The following SHANK2 variants were observed in gnomAD, a reference collection of about 807,000 sequenced individuals.
SHANK2 encodes the protein SH3 and multiple ankyrin repeat domains protein 2.
A neutral mutation model predicts 133.7 loss-of-function variants in SHANK2; 43 were observed. The ratio of observed to expected loss-of-function variants is 0.32; its 90% CI spans 0.25 to 0.41. SHANK2 has a LOEUF of 0.41. Among genes scored for constraint, SHANK2 ranks in the 10% least tolerant of loss-of-function variants. The pLI is 1.00. For missense variants in SHANK2, 1,994 were observed against 2,235.8 expected (o/e 0.89, Z 2.18); for synonymous variants, 1,017 against 952.8 (o/e 1.07, Z -1.24).
chr11:70,952,393 G>T (rs1285119508), intron 10 of SHANK2, among the ~76,000 whole-genome samples: 1 of 152,202 alleles, frequency 6.6e-6, no homozygotes, highest in African/African-American at 2.4e-5. Flanking sequence ...CCAAGGGTGC[G>T]CTGTGGAAAC....
rs1190062746 is a variant in SHANK2, at chr11:70,489,946, G to C, written c.2551+330C>G. The stretch of plus-strand genomic sequence containing the variant: ...CTTCCCACCCTGAGCAGGGCAGGGT[G>C]GGGGAGGGGGGTTGGCTCGCACCAC... On this transcript the variant is annotated intron_variant, in intron 23 of 25. Coordinates refer to ENST00000601538, the MANE Select transcript of SHANK2 (RefSeq NM_012309.5). The C allele has an allele frequency of 2.4e-5, 9 of 376,746 alleles. No homozygotes were observed. The East Asian group carries it at 3.7e-4, about 15-fold the overall frequency. The allele number at this position is 376,746 out of a possible 1,614,324, so 23.3% of individuals were successfully genotyped here. A position where few individuals can be genotyped will look rare whatever the true frequency, so the allele number is the denominator to read the frequency against.
intron 10 of SHANK2, among the ~76,000 whole-genome samples, chr11:70,926,638 T>C (rs540966952): frequency 2.0e-5 from 3 of 151,982 alleles, no homozygotes; most frequent in African/African-American, 7.3e-5. Flanking sequence ...TCAAAAACCA[T>C]AGCACTAAAG....
intron 17 of SHANK2, among the ~76,000 whole-genome samples, chr11:70,530,766 G>A (rs1162296614): frequency 1.3e-5 from 2 of 152,078 alleles, no homozygotes; most frequent in Admixed American, 6.6e-5. Flanking sequence ...TACTGGGGAC[G>A]GAGTTTACTG....
chr11:71,095,600 G>A (rs1423685446), intron 6 of SHANK2, among the ~76,000 whole-genome samples: 3 of 152,154 alleles, frequency 2.0e-5, no homozygotes, highest in African/African-American at 2.4e-5. Context: ...AGAAAACTCG[G>A]ATGCCTTTCA....
intron 12 of SHANK2, among the ~76,000 whole-genome samples, chr11:70,816,029 C>G (rs1319299360): frequency 5.9e-5 from 9 of 152,232 alleles, no homozygotes; most frequent in African/African-American, 2.2e-4. Context: ...ACAATAACAC[C>G]TGATACCCTG....
At chr11:71,242,909 G>A (rs559747454) in intron 1 of SHANK2, among the ~76,000 whole-genome samples, 11 of 152,278 alleles carry the variant, frequency 7.2e-5, no homozygotes, top group South Asian at 2.1e-4. Context: ...AATGAAATTC[G>A]AAATTTATTT....
chr11:71,137,953 G>A (rs1952478767), intron 3 of SHANK2, among the ~76,000 whole-genome samples: 1 of 152,040 alleles, frequency 6.6e-6, no homozygotes, highest in South Asian at 2.1e-4. Context: ...GCCGCCCAGA[G>A]CCCTCTCTCA....
At chr11:70,905,222 T>C (rs1950082421) in intron 10 of SHANK2, among the ~76,000 whole-genome samples, 2 of 152,116 alleles carry the variant, frequency 1.3e-5, no homozygotes, top group South Asian at 2.1e-4. Flanking sequence ...TCTCTGAGGA[T>C]CTGAATTCCA....
rs1236827607 is a variant in SHANK2, at chr11:70,760,139, G to GACGCATGTAAC, written c.1777+38293_1777+38303dup. ...AAGCCTCCACCCCAGGTGAACATGGGACGCATGTAACACGCATGTGTGCTC... is the reference window on the plus strand; with the variant it reads ...AAGCCTCCACCCCAGGTGAACATGGGACGCATGTAACACGCATGTAACACGCATGTGTGCTC... On this transcript the variant is annotated intron_variant, in intron 14 of 25. Transcript: ENST00000601538. Among the ~76,000 whole-genome samples, 7 of 152,362 alleles carry GACGCATGTAAC rather than the reference G, an allele frequency of 4.6e-5. No individual in the cohort carries two copies. In the South Asian group the frequency reaches 1.2e-3, roughly 27 times the overall value.
At chr11:71,214,198 C>T (rs1172421199) in intron 2 of SHANK2, among the ~76,000 whole-genome samples, 1 of 152,190 alleles carries the variant, frequency 6.6e-6, no homozygotes. Context: ...GCTCATGCCC[C>T]CTGCTCTTGG....
intron 11 of SHANK2, among the ~76,000 whole-genome samples, chr11:70,852,481 C>T (rs1201464953): frequency 6.6e-6 from 1 of 152,112 alleles, no homozygotes; most frequent in Non-Finnish European, 1.5e-5. Context: ...CTGTCCATTT[C>T]CAGCAGGACA....
intron 14 of SHANK2, among the ~76,000 whole-genome samples, chr11:70,797,076 C>T (rs1947929545): frequency 6.6e-6 from 1 of 152,234 alleles, no homozygotes; most frequent in South Asian, 2.1e-4. Flanking sequence ...AGCTCTGTGA[C>T]TTCCCAGCCC....
At chr11:71,144,224 G>A (rs145387149) in intron 3 of SHANK2, among the ~76,000 whole-genome samples, 23 of 152,244 alleles carry the variant, frequency 1.5e-4, no homozygotes, top group African/African-American at 4.6e-4. Context: ...GTGCGCATGC[G>A]TGCACCCATG....
At chr11:70,903,807 GA>G (rs1468519144) in intron 10 of SHANK2, among the ~76,000 whole-genome samples, 1 of 152,200 alleles carries the variant, frequency 6.6e-6, no homozygotes, top group Non-Finnish European at 1.5e-5. Context: ...GCAGTACCAG[GA>G]GAAGGTGCTG....
rs1197460125 is a variant in SHANK2, at chr11:71,180,522, G to A, written c.-12-33184C>T. Among the ~76,000 whole-genome samples the A allele has an allele frequency of 1.3e-5, 2 of 151,954 alleles. 1 individual carries two copies. Among genetic ancestry groups the A allele is most frequent in the Non-Finnish European group, 2.9e-5 (2 of 68,004 alleles). On this transcript the variant is annotated intron_variant, in intron 2 of 25. Transcript: ENST00000601538. ...CTAACAGCGCTTTGTACAAGAAGTCGACAGTGAAAGTCTAGGTTGCAAAGA... is the reference window on the plus strand; with the variant it reads ...CTAACAGCGCTTTGTACAAGAAGTCAACAGTGAAAGTCTAGGTTGCAAAGA...
intron 1 of SHANK2, among the ~76,000 whole-genome samples, chr11:71,244,092 C>A (rs1954928741): frequency 6.6e-6 from 1 of 152,212 alleles, no homozygotes; most frequent in Admixed American, 6.5e-5. Flanking sequence ...CAGACACCTA[C>A]AAAGTCCTCT....
At chr11:70,760,243 C>T (rs1263746277) in intron 14 of SHANK2, among the ~76,000 whole-genome samples, 1 of 152,238 alleles carries the variant, frequency 6.6e-6, no homozygotes, top group Non-Finnish European at 1.5e-5. Context: ...CCTGCCATAA[C>T]CTTAGCCAAT....
chr11:70,637,680 C>G (rs192316438), intron 17 of SHANK2, among the ~76,000 whole-genome samples: 3 of 152,206 alleles, frequency 2.0e-5, no homozygotes, highest in Admixed American at 6.5e-5. Context: ...GGCGCCCTGG[C>G]GAGGGGAGAC....
chr11:71,061,120 C>T (rs1289800833), intron 9 of SHANK2, among the ~76,000 whole-genome samples: 6 of 152,246 alleles, frequency 3.9e-5, no homozygotes, highest in African/African-American at 9.6e-5. Context: ...AGGTGCAGGT[C>T]AAGACTGCAG....
Sources: allele counts gnomAD v4.1 joint callset (sites outside exome capture counted in the v4.1 genomes callset), GRCh38; gene constraint gnomAD v4.1.1; transcripts MANE v1.5; gene names NCBI Gene and HGNC (gene_info 2026-07-23, HGNC 2026-07-21).